REDIC1: variants seen among roughly 807,000 people sequenced by gnomAD.
REDIC1 encodes regulator of DNA class I crossover intermediates 1.
At chr12:39,799,555 A>G in the REDIC1 span, among the ~76,000 whole-genome samples, 2 of 152,138 alleles carry the variant, frequency 1.3e-5, no homozygotes, top group Non-Finnish European at 2.9e-5. Flanking sequence ...AATAAAGTAA[A>G]CAAGAAGATA....
the REDIC1 span, among the ~76,000 whole-genome samples, chr12:39,834,611 G>A: frequency 2.6e-5 from 4 of 151,996 alleles, no homozygotes; most frequent in Non-Finnish European, 5.9e-5. Flanking sequence ...TTCAGGGAAA[G>A]GAGGTCAAGT....
the REDIC1 span, among the ~76,000 whole-genome samples, chr12:39,696,542 CAAAAAAAAAAAAAAAAAAA>C: frequency 4.1e-3 from 45 of 11,062 alleles, no homozygotes; most frequent in South Asian, 0.022. Flanking sequence ...GACTCTGTCT[CAAAAAAAAAAAAAAAAAAA>C]AAAAAAAAAA....
the REDIC1 span, among the ~76,000 whole-genome samples, chr12:39,889,901 T>G: frequency 4.1e-4 from 62 of 152,312 alleles, no homozygotes; most frequent in African/African-American, 1.5e-3. Context: ...CTCTCTATAA[T>G]CATTTTTACT....
chr12:39,627,903 A>G, the REDIC1 span, among the ~76,000 whole-genome samples: 1 of 152,166 alleles, frequency 6.6e-6, no homozygotes, highest in East Asian at 1.9e-4. Flanking sequence ...TATGGTTTTG[A>G]AAGAAAGTTC....
At chr12:39,683,563 G>T in the REDIC1 span, 1 of 1,179,450 alleles carries the variant, frequency 8.5e-7, no homozygotes. Flanking sequence ...GATGCAAAGT[G>T]AGGTAGGCGT....
chr12:39,685,147 C>T, the REDIC1 span, among the ~76,000 whole-genome samples: 2 of 152,078 alleles, frequency 1.3e-5, no homozygotes, highest in Non-Finnish European at 2.9e-5. Flanking sequence ...TTATTTGAGA[C>T]AAAATCTTGA....
At chr12:39,703,918 A>C in the REDIC1 span, among the ~76,000 whole-genome samples, 57 of 152,194 alleles carry the variant, frequency 3.7e-4, no homozygotes, top group African/African-American at 1.3e-3. Flanking sequence ...CTCATACAAA[A>C]ATCAATTCAA....
the REDIC1 span, among the ~76,000 whole-genome samples, chr12:39,869,039 G>T: frequency 6.6e-6 from 1 of 151,996 alleles, no homozygotes; most frequent in Non-Finnish European, 1.5e-5. Flanking sequence ...CTGAATCAAA[G>T]GTTAAAAATT....
chr12:39,663,361 A>C, the REDIC1 span, among the ~76,000 whole-genome samples: 1 of 152,026 alleles, frequency 6.6e-6, no homozygotes, highest in Non-Finnish European at 1.5e-5. Context: ...ACCATTATAT[A>C]ATGACCTTTG....
the REDIC1 span, among the ~76,000 whole-genome samples, chr12:39,641,945 A>T: frequency 6.6e-6 from 1 of 151,848 alleles, no homozygotes; most frequent in South Asian, 2.1e-4. Context: ...GATATTTGTC[A>T]GTCCGATTTA....
the REDIC1 span, among the ~76,000 whole-genome samples, chr12:39,834,342 C>T: frequency 6.6e-6 from 1 of 152,034 alleles, no homozygotes; most frequent in South Asian, 2.1e-4. Context: ...TTTCTACATC[C>T]ATATCTGTCC....
the REDIC1 span, chr12:39,720,779 C>T: frequency 3.9e-5 from 62 of 1,589,848 alleles, no homozygotes; most frequent in Non-Finnish European, 5.1e-5. Flanking sequence ...TTATTAATTT[C>T]TTTTTAGCCA....
chr12:39,674,492 A>G, the REDIC1 span, among the ~76,000 whole-genome samples: 17 of 152,156 alleles, frequency 1.1e-4, no homozygotes, highest in African/African-American at 3.9e-4. Flanking sequence ...TACCAGGAAA[A>G]CCAAAAGAAT....
At chr12:39,703,930 A>G in the REDIC1 span, among the ~76,000 whole-genome samples, 2 of 152,216 alleles carry the variant, frequency 1.3e-5, no homozygotes, top group Non-Finnish European at 2.9e-5. Flanking sequence ...TCAATTCAAG[A>G]TGGATTAAAG....
the REDIC1 span, among the ~76,000 whole-genome samples, chr12:39,705,633 C>T: frequency 2.6e-5 from 4 of 151,922 alleles, no homozygotes; most frequent in Non-Finnish European, 5.9e-5. Context: ...GGGATTTATC[C>T]CTGGGATACA....
At chr12:39,631,523 T>G in the REDIC1 span, among the ~76,000 whole-genome samples, 1 of 152,170 alleles carries the variant, frequency 6.6e-6, no homozygotes, top group Non-Finnish European at 1.5e-5. Context: ...GCATCTAAAT[T>G]TAGATAAATA....
the REDIC1 span, among the ~76,000 whole-genome samples, chr12:39,809,587 T>C: frequency 6.6e-6 from 1 of 152,202 alleles, no homozygotes; most frequent in African/African-American, 2.4e-5. Context: ...ACATGTGCCC[T>C]GTTGGTGTGC....
the REDIC1 span, chr12:39,830,120 A>C: frequency 1.2e-6 from 2 of 1,613,678 alleles, no homozygotes; most frequent in Non-Finnish European, 1.7e-6. Flanking sequence ...AGGCTGCCTC[A>C]TTTGTAGATG....
the REDIC1 span, among the ~76,000 whole-genome samples, chr12:39,631,594 T>C: frequency 6.6e-6 from 1 of 152,202 alleles, no homozygotes; most frequent in African/African-American, 2.4e-5. Flanking sequence ...AAATAAGGTA[T>C]AAATGGAATG....
Sources: gnomAD v4.1 joint callset for allele counts (sites outside exome capture counted in the v4.1 genomes callset) on GRCh38, gnomAD v4.1.1 for gene constraint, MANE v1.5 for transcripts, NCBI Gene and HGNC (gene_info 2026-07-23, HGNC 2026-07-21) for gene names.